MYB: variants seen among roughly 807,000 people sequenced by gnomAD.
MYB encodes MYB proto-oncogene, transcription factor, also known as transcriptional activator Myb.
A neutral mutation model predicts 92.9 loss-of-function variants in MYB; 28 were observed. The ratio of observed to expected loss-of-function variants is 0.30; its 90% CI spans 0.22 to 0.41. The LOEUF (loss-of-function observed/expected upper bound fraction) is 0.41, where lower values mean the gene tolerates loss of function less well. Ranked by LOEUF, MYB falls within the 10% of genes least tolerant of loss-of-function variation. The pLI is 1.00. For missense variants in MYB, 679 were observed against 929.3 expected, an observed-to-expected ratio of 0.73 and a Z score of 3.50; for synonymous variants, 295 against 329.1, an observed-to-expected ratio of 0.90 and a Z score of 1.12.
chr6:135,197,247 C>T lies in MYB; in HGVS notation c.1490C>T (p.Ser497Phe). 6.2e-7 allele frequency: 1 copy of T among 1,613,960 alleles called. No individual in the cohort carries two copies. Among genetic ancestry groups the T allele is most frequent in the Non-Finnish European group, 8.5e-7 (1 of 1,179,872 alleles). The change falls in exon 10 of 16, where the codon TCC becomes TTC. Residue 497 changes from serine (S) to phenylalanine (F), a missense_variant. Physicochemically the swap from Ser to Phe is radical, Grantham distance 155. Transcript: ENST00000341911. ...ASPLATGDCS[S>F]FIFADVSSST... ...CCCTTAGCCACTGGAGACTGTAGCT[C>T]CTTCATATTTGCTGACGTCAGCAGT...
At chr6:135,202,863 C>T in intron 14 of MYB, 1 of 497,922 alleles carries the variant, frequency 2.0e-6, no homozygotes, top group African/African-American at 1.9e-5. Context: ...AGTTCTGTAC[C>T]AATATATGAA....
At chr6:135,191,870 A>C (rs1268413003) in intron 5 of MYB, among the ~76,000 whole-genome samples, 1 of 152,172 alleles carries the variant, frequency 6.6e-6, no homozygotes, top group Non-Finnish European at 1.5e-5. Flanking sequence ...ATAAAGAGTG[A>C]AGTATTCTTC....
chr6:135,216,076 C>G (rs1022432803), intron 15 of MYB, among the ~76,000 whole-genome samples: 5 of 152,076 alleles, frequency 3.3e-5, no homozygotes, highest in African/African-American at 1.2e-4. Flanking sequence ...TTTCTGTTCC[C>G]CTCTCTGCAT....
chr6:135,189,755 C>T (rs560429323), intron 3 of MYB, 36 bp from the exon 4 acceptor site: 2 of 1,563,720 alleles, frequency 1.3e-6, no homozygotes, highest in African/African-American at 2.7e-5. Flanking sequence ...CTTATCACAT[C>T]ATATCTTTAT....
chr6:135,194,969 C>T (rs777839961), intron 8 of MYB: 4 of 1,337,244 alleles, frequency 3.0e-6, no homozygotes, highest in Non-Finnish European at 3.9e-6. Flanking sequence ...GTTATGTGGG[C>T]CATTACTGAA....
At chr6:135,201,867 T>A in intron 14 of MYB, 118 bp downstream of exon 14, 1 of 449,300 alleles carries the variant, frequency 2.2e-6, no homozygotes, top group Non-Finnish European at 3.9e-6. Context: ...ATCTTATTTC[T>A]AAATGTTCTC....
Position 135,213,537 on chromosome 6 carries a change from C to T in MYB, c.2170-4327C>T, listed in dbSNP as rs955500679. Among the ~76,000 whole-genome samples, 7 of 152,264 alleles carry T rather than the reference C, an allele frequency of 4.6e-5. No individual in the cohort carries two copies. In the South Asian group the frequency reaches 8.3e-4, roughly 18 times the overall value. ...TACTTAGTACTAGATTCTCCTGAATCGACTTTGGGAATTCTGAGTCAACCT... is the reference window on the plus strand; with the variant it reads ...TACTTAGTACTAGATTCTCCTGAATTGACTTTGGGAATTCTGAGTCAACCT... On this transcript the variant is annotated intron_variant, in intron 15 of 15. Transcript: ENST00000341911.
rs1335077869 is a variant in MYB at position 135,218,460 on chromosome 6, T to G, written c.*480T>G. ...ATACCATGTGACATTTAATCCAGAT[T>G]GTAAATGCTCATTTATGGTTAATGA... On this transcript the variant is annotated 3_prime_UTR_variant, in exon 16 of 16. Transcript: ENST00000341911. 5.3e-6 allele frequency: 1 copy of G among 187,832 alleles called. No individual in the cohort carries two copies. Among genetic ancestry groups the G allele is most frequent in the African/African-American group, 2.3e-5 (1 of 42,806 alleles). 11.6% of individuals were successfully genotyped at this position (187,832 alleles called of 1,614,324 possible). A position where few individuals can be genotyped will look rare whatever the true frequency, so the allele number is the denominator to read the frequency against.
intron 7 of MYB, 86 bp downstream of exon 7, chr6:135,194,004 C>G (rs1164822267): frequency 5.6e-6 from 6 of 1,078,864 alleles, no homozygotes; most frequent in Non-Finnish European, 8.4e-6. Context: ...TTTACCTGAG[C>G]AACTAAAGTA....
intron 15 of MYB, among the ~76,000 whole-genome samples, chr6:135,207,776 C>T (rs1232887423): frequency 1.3e-5 from 2 of 149,520 alleles, no homozygotes; most frequent in Non-Finnish European, 3.0e-5. Context: ...ATTCTGTTGC[C>T]CAGGCTGGGG....
At chr6:135,185,015 G>A (rs1032713511) in intron 1 of MYB, among the ~76,000 whole-genome samples, 20 of 152,138 alleles carry the variant, frequency 1.3e-4, no homozygotes, top group African/African-American at 4.8e-4. Flanking sequence ...CTAAATAAAA[G>A]AAAAAGCTTT....
At chr6:135,212,146 T>G (rs210946) in intron 15 of MYB, among the ~76,000 whole-genome samples, 80,447 of 150,310 alleles carry the variant, frequency 0.54, 21,943 homozygotes, top group African/African-American at 0.67. Flanking sequence ...TACTGTTTTA[T>G]ATACCATTGA....
At chr6:135,189,944 T>A in intron 4 of MYB, 61 bp downstream of exon 4, 1 of 1,521,802 alleles carries the variant, frequency 6.6e-7, no homozygotes, top group Non-Finnish European at 9.1e-7. Context: ...AATGCTAATA[T>A]TTTCCTATTT....
At chr6:135,216,719 A>G (rs1022066681) in intron 15 of MYB, among the ~76,000 whole-genome samples, 25 of 152,160 alleles carry the variant, frequency 1.6e-4, no homozygotes, top group African/African-American at 6.0e-4. Flanking sequence ...ACTCTTCTTT[A>G]TACACATTTT....
intron 14 of MYB, 31 bp from the exon 15 acceptor site, chr6:135,203,186 T>C (rs1778376994): frequency 1.3e-6 from 2 of 1,496,132 alleles, no homozygotes; most frequent in Non-Finnish European, 1.9e-6. Flanking sequence ...TCCAACCTCA[T>C]TTAAATTTCA....
intron 8 of MYB, chr6:135,195,035 A>T: frequency 3.0e-6 from 4 of 1,331,458 alleles, no homozygotes; most frequent in Non-Finnish European, 4.0e-6. Flanking sequence ...GTGCTTTGCA[A>T]CATACATAGT....
At chr6:135,191,766 C>T (rs1776657471) in intron 5 of MYB, among the ~76,000 whole-genome samples, 1 of 152,190 alleles carries the variant, frequency 6.6e-6, no homozygotes, top group Admixed American at 6.5e-5. Flanking sequence ...CCATTTTCCA[C>T]TCTCGTCTCT....
intron 3 of MYB, among the ~76,000 whole-genome samples, chr6:135,189,324 A>G (rs961003275): frequency 1.3e-5 from 2 of 152,152 alleles, no homozygotes; most frequent in African/African-American, 4.8e-5. Flanking sequence ...CATAGGACCT[A>G]TCTTTTATGC....
intron 3 of MYB, 94 bp from the exon 4 acceptor site, chr6:135,189,697 C>A: frequency 1.1e-6 from 1 of 932,492 alleles, no homozygotes; most frequent in South Asian, 1.5e-5. Flanking sequence ...AATATTTTCA[C>A]TGCATATGGT....
Sources: gnomAD v4.1 joint callset for allele counts (sites outside exome capture counted in the v4.1 genomes callset) on GRCh38, gnomAD v4.1.1 for gene constraint, MANE v1.5 for transcripts, NCBI Gene and HGNC (gene_info 2026-07-23, HGNC 2026-07-21) for gene names.